The following NEXMIF variants were observed in gnomAD, a reference collection of about 807,000 sequenced individuals.
NEXMIF encodes the protein XLMR protein related to neurite extension.
Under a neutral mutation model 62.1 loss-of-function variants are expected in NEXMIF, and 8 were observed. The ratio of observed to expected loss-of-function variants is 0.13; its 90% CI spans 0.08 to 0.23. The LOEUF is 0.23. Ranked by LOEUF, NEXMIF falls within the 10% of genes least tolerant of loss-of-function variation. NEXMIF has a pLI of 1.00. For synonymous variants in NEXMIF, 404 were observed against 416.6 expected (o/e 0.97, Z 0.37); for missense variants, 976 against 1,113.3 (o/e 0.88, Z 1.75).
chrX:74,920,848 G>A (rs1252647622), intron 1 of NEXMIF, among the ~76,000 whole-genome samples: 1 of 111,378 alleles, frequency 9.0e-6, no homozygotes, highest in Non-Finnish European at 1.9e-5. Flanking sequence ...ATTAATCTTG[G>A]TCTCAAACCT....
At chrX:74,875,793 T>C (rs2080629226) in intron 1 of NEXMIF, among the ~76,000 whole-genome samples, 1 of 112,083 alleles carries the variant, frequency 8.9e-6, no homozygotes, top group African/African-American at 3.3e-5. Flanking sequence ...GAGGTGTTTG[T>C]AGTATTCTCT....
At chrX:74,796,140 ATAT>A (rs1195732638) in intron 1 of NEXMIF, among the ~76,000 whole-genome samples, 1 of 76,500 alleles carries the variant, frequency 1.3e-5, no homozygotes, top group Non-Finnish European at 2.3e-5. Flanking sequence ...TATAATATAT[ATAT>A]TATATATATA....
chrX:74,802,466 C>T (rs762619535), intron 1 of NEXMIF, among the ~76,000 whole-genome samples: 3 of 110,960 alleles, frequency 2.7e-5, no homozygotes, highest in Non-Finnish European at 5.7e-5. Flanking sequence ...ATCACCAAGG[C>T]GGTACCTCTA....
At chrX:74,803,375 C>T (rs1174140847) in intron 1 of NEXMIF, among the ~76,000 whole-genome samples, 1 of 110,622 alleles carries the variant, frequency 9.0e-6, no homozygotes, top group African/African-American at 3.3e-5. Flanking sequence ...ACGGTGAAAC[C>T]CTGTCTGTTC....
rs1254729705 is a variant in NEXMIF at position 74,879,076 on chromosome X, T to G, written c.-48+45807A>C. Among the ~76,000 whole-genome samples, 3 of 112,529 alleles carry G rather than the reference T, an allele frequency of 2.7e-5. No homozygotes were observed. The East Asian group carries it at 8.4e-4, about 31-fold the overall frequency. On this transcript the variant is annotated intron_variant, in intron 1 of 3. Transcript: ENST00000055682. ...CACAAATACCACTGTGTTACAATTTTCTACAGTATCCAGTACAGTAACATG... is the reference window on the plus strand; with the variant it reads ...CACAAATACCACTGTGTTACAATTTGCTACAGTATCCAGTACAGTAACATG...
intron 1 of NEXMIF, among the ~76,000 whole-genome samples, chrX:74,788,820 T>G (rs2080268535): frequency 9.1e-6 from 1 of 109,676 alleles, no homozygotes; most frequent in Non-Finnish European, 1.9e-5. Flanking sequence ...GGGGGTAGAG[T>G]GATATAATTT....
At chrX:74,861,551 T>C (rs2080557685) in intron 1 of NEXMIF, among the ~76,000 whole-genome samples, 1 of 111,140 alleles carries the variant, frequency 9.0e-6, no homozygotes, top group Non-Finnish European at 1.9e-5. Context: ...ATCATCAGAT[T>C]GTCCAAGTTC....
In NEXMIF at chrX:74,738,752, A is replaced by G. The variant is rs1448778331; in HGVS notation, c.*653T>C. On this transcript the variant is annotated 3_prime_UTR_variant, in exon 4 of 4. Coordinates refer to ENST00000055682, the MANE Select transcript of NEXMIF (RefSeq NM_001008537.3). ...TAACCCTTACACAATGGAACAAGAA[A>G]ATCTTTATTTTGCCTTGTTTAGCTG... 2 of 109,905 alleles carry G rather than the reference A, an allele frequency of 1.8e-5. No homozygotes were observed. Among genetic ancestry groups the G allele is most frequent in the African/African-American group, 6.6e-5 (2 of 30,188 alleles). The allele number at this position is 109,905 out of a possible 1,213,427, so 9.1% of individuals were successfully genotyped here.
chrX:74,811,652 T>C (rs183521574), intron 1 of NEXMIF, among the ~76,000 whole-genome samples: 1 of 112,569 alleles, frequency 8.9e-6, no homozygotes, highest in Non-Finnish European at 1.9e-5. Flanking sequence ...TGGGCAAAAG[T>C]CAATCATTCT....
In NEXMIF at chrX:74,740,907, C is replaced by T. The variant is rs143271748; in HGVS notation, c.3650G>A (p.Arg1217His). The T allele has an allele frequency of 2.9e-5, 35 of 1,209,985 alleles. No homozygotes were observed. The highest frequency in any genetic ancestry group is 1.7e-4 in the African/African-American group (10 of 57,223). Reference sequence around the variant, plus strand: ...TTTCTTTGTGGACTTAGGGACCTGGCGGGAGTTTTTGCCAGGTGGTTTTTC... The same window carrying T: ...TTTCTTTGTGGACTTAGGGACCTGGTGGGAGTTTTTGCCAGGTGGTTTTTC... ...GIEKPPGKNS[R>H]QVPKSTKKGK... is the part of the protein sequence containing the mutation. The change falls in exon 3 of 4, where the codon CGC (arginine) becomes CAC (histidine). Residue 1217 changes from arginine (R) to histidine (H), a missense_variant. By Grantham distance (29) the Arg-to-His change is conservative (BLOSUM62 0). Coordinates refer to ENST00000055682, the MANE Select transcript of NEXMIF (RefSeq NM_001008537.3).
chrX:74,821,308 C>T lies in NEXMIF; in HGVS notation c.-47-75611G>A, dbSNP rs1480988741. Among the ~76,000 whole-genome samples, 4 of 111,519 alleles carry T rather than the reference C, an allele frequency of 3.6e-5. No homozygotes were observed. The South Asian group carries it at 1.1e-3, about 32-fold the overall frequency. On this transcript the variant is annotated intron_variant, in intron 1 of 3. Coordinates refer to ENST00000055682, the MANE Select transcript of NEXMIF (RefSeq NM_001008537.3). ...CATTTCAATTATTTGTTATACTCAC[C>T]TTGACTCCTGTTCTATATTTTAAAA...
chrX:74,874,259 C>A (rs2080618188), intron 1 of NEXMIF, among the ~76,000 whole-genome samples: 1 of 107,965 alleles, frequency 9.3e-6, no homozygotes, highest in South Asian at 4.3e-4. Context: ...AATCCTTTCC[C>A]CATTTCTTGT....
chrX:74,875,792 G>A (rs1328474211), intron 1 of NEXMIF, among the ~76,000 whole-genome samples: 1 of 111,733 alleles, frequency 8.9e-6, no homozygotes, highest in Non-Finnish European at 1.9e-5. Context: ...AGAGGTGTTT[G>A]TAGTATTCTC....
intron 1 of NEXMIF, among the ~76,000 whole-genome samples, chrX:74,869,656 T>C (rs2080593025): frequency 1.8e-5 from 2 of 112,156 alleles, no homozygotes; most frequent in African/African-American, 6.5e-5. Context: ...CAGAAATCAG[T>C]CATATTTTTA....
intron 1 of NEXMIF, among the ~76,000 whole-genome samples, chrX:74,918,337 C>G (rs1301845819): frequency 8.9e-6 from 1 of 111,869 alleles, no homozygotes; most frequent in Non-Finnish European, 1.9e-5. Flanking sequence ...TTTCTACTTC[C>G]CTACTTAGTA....
intron 1 of NEXMIF, among the ~76,000 whole-genome samples, chrX:74,796,233 T>TATATATATATACATATATAATAA (rs1569345256): frequency 1.8e-5 from 1 of 55,513 alleles, no homozygotes; most frequent in Non-Finnish European, 3.4e-5. Context: ...ATATATAATA[T>TATATATATATACATATATAATAA]ATATATATAT....
chrX:74,838,174 T>C (rs753066634), intron 1 of NEXMIF, among the ~76,000 whole-genome samples: 14 of 111,589 alleles, frequency 1.3e-4, no homozygotes, highest in African/African-American at 4.6e-4. Flanking sequence ...CAGAAAATCC[T>C]CATGACTTAA....
intron 1 of NEXMIF, among the ~76,000 whole-genome samples, chrX:74,858,945 G>A (rs1027056849): frequency 2.7e-5 from 3 of 109,721 alleles, no homozygotes; most frequent in Middle Eastern, 4.7e-3. Context: ...ATGAAGACAG[G>A]TTATTTGAAA....
intron 1 of NEXMIF, among the ~76,000 whole-genome samples, chrX:74,758,878 C>T (rs775921646): frequency 8.9e-6 from 1 of 112,100 alleles, no homozygotes; most frequent in East Asian, 2.8e-4. Context: ...ATGCATGTGT[C>T]TTTATAACAG....
Sources: gnomAD v4.1 joint callset for allele counts (sites outside exome capture counted in the v4.1 genomes callset) on GRCh38, gnomAD v4.1.1 for gene constraint, MANE v1.5 for transcripts, NCBI Gene and HGNC (gene_info 2026-07-23, HGNC 2026-07-21) for gene names.